COL17A1: variants seen among roughly 807,000 people sequenced by gnomAD.
COL17A1 encodes collagen type XVII alpha 1 chain.
Under a neutral mutation model 218.4 loss-of-function variants are expected in COL17A1, and 181 were observed. The observed-to-expected ratio is 0.83, with a 90% CI of 0.73 to 0.94. The LOEUF is 0.94. Among genes scored for constraint, COL17A1 ranks in the 40% least tolerant of loss-of-function variants. COL17A1 has a pLI of 0.00. For synonymous variants in COL17A1, 721 were observed against 731.0 expected (o/e 0.99, Z 0.22); for missense variants, 1,924 against 1,945.9 (o/e 0.99, Z 0.21).
At chr10:104,066,395 C>T (rs991805007) in intron 9 of COL17A1, among the ~76,000 whole-genome samples, 1 of 152,294 alleles carries the variant, frequency 6.6e-6, no homozygotes. Flanking sequence ...GCTGTTTTAT[C>T]TGGGCCAAAG....
chr10:104,036,241 TGA>T (rs1018766989), intron 48 of COL17A1, among the ~76,000 whole-genome samples: 29 of 150,008 alleles, frequency 1.9e-4, no homozygotes, highest in Middle Eastern at 3.4e-3. Flanking sequence ...GGAGTGTGTG[TGA>T]GAGAGAGAGA....
chr10:104,038,905 C>G (rs1023833165), intron 44 of COL17A1, among the ~76,000 whole-genome samples, 166 bp downstream of exon 44: 1 of 152,148 alleles, frequency 6.6e-6, no homozygotes, highest in African/African-American at 2.4e-5. Flanking sequence ...CCCAATAACT[C>G]GTAACCTCCT....
intron 9 of COL17A1, among the ~76,000 whole-genome samples, chr10:104,067,118 G>A (rs1187755247): frequency 1.3e-5 from 2 of 152,216 alleles, no homozygotes; most frequent in Admixed American, 6.5e-5. Context: ...ATCCTCTCGG[G>A]CAAGGAGTCC....
At chr10:104,056,729 G>C (rs1233447322) in intron 17 of COL17A1, among the ~76,000 whole-genome samples, 1 of 152,178 alleles carries the variant, frequency 6.6e-6, no homozygotes, top group East Asian at 1.9e-4. Flanking sequence ...GTGTAGCAAG[G>C]GTGGGGCTGA....
chr10:104,059,802 T>G, intron 14 of COL17A1, 84 bp from the exon 15 acceptor site: 2 of 1,395,970 alleles, frequency 1.4e-6, no homozygotes, highest in Non-Finnish European at 2.0e-6. Context: ...CCTTGCCCAC[T>G]ACCCTGCTTG....
chr10:104,036,075 G>GGT (rs2086288555), intron 48 of COL17A1, among the ~76,000 whole-genome samples: 3 of 56,796 alleles, frequency 5.3e-5, no homozygotes, highest in Non-Finnish European at 1.1e-4. Flanking sequence ...TATGTGTATG[G>GGT]GAGTGTGTAT....
chr10:104,039,631 C>G lies in COL17A1; in HGVS notation c.2798G>C (p.Gly933Ala). 1 of 1,614,126 alleles carries G rather than the reference C, an allele frequency of 6.2e-7. No homozygotes were observed. The highest frequency in any genetic ancestry group is 8.5e-7 in the Non-Finnish European group (1 of 1,180,018). The change falls in exon 42 of 56, where the codon GGC (glycine) becomes GCC (alanine). Residue 933 changes from glycine (G) to alanine (A), a missense_variant. Gly to Ala is a moderately conservative substitution (Grantham distance 60). Transcript: ENST00000648076. ...ACCTGAGGTTGAGAAACCTGGGAGG[C>G]CTTGCTCGCCTGAGGAACACACCAA... The part of the protein sequence containing the change: ...PGPRGHQGEQ[G>A]LPGFSTSGSS...
intron 9 of COL17A1, among the ~76,000 whole-genome samples, chr10:104,068,118 G>T (rs2086642127): frequency 6.6e-6 from 1 of 152,148 alleles, no homozygotes; most frequent in South Asian, 2.1e-4. Context: ...CCCACATCAG[G>T]TCAGGAATAT....
chr10:104,080,781 T>C (rs1473253358), intron 1 of COL17A1, 97 bp from the exon 2 acceptor site: 1 of 1,284,794 alleles, frequency 7.8e-7, no homozygotes, highest in African/African-American at 1.5e-5. Flanking sequence ...AAACATGATT[T>C]CAAGAATTTA....
In COL17A1 at chr10:104,032,262, C is replaced by T. The variant is rs1564668701; in HGVS notation, c.4467G>A (p.Arg1489=). 6 of 1,613,938 alleles carry T rather than the reference C, an allele frequency of 3.7e-6. No homozygotes were observed. Among genetic ancestry groups the T allele is most frequent in the African/African-American group, 1.3e-5 (1 of 74,918 alleles). The part of the protein sequence containing the change: ...KGDQVYAGRR[R]RRSIAVKP ...ACGGCTTGACAGCAATACTTCTTCTCCTTCTCCGCCCAGCATAGACTTGGT... is the reference window on the plus strand; with the variant it reads ...ACGGCTTGACAGCAATACTTCTTCTTCTTCTCCGCCCAGCATAGACTTGGT... The change falls in exon 56 of 56, where the codon AGG becomes AGA. Residue 1489 remains arginine (R), a synonymous_variant. Transcript: ENST00000648076.
intron 5 of COL17A1, 25 bp downstream of exon 5, chr10:104,076,276 C>G (rs981997175): frequency 1.2e-6 from 2 of 1,613,664 alleles, no homozygotes; most frequent in Non-Finnish European, 1.7e-6. Context: ...GAATGGTTCT[C>G]TTGTATGGTT....
In COL17A1 at chr10:104,053,067, C is replaced by A. The variant is rs750054457; in HGVS notation, c.1903G>T (p.Ala635Ser). Residue 635 changes from alanine to serine, a missense_variant, in exon 23 of 56, where the codon GCA (alanine) becomes TCA (serine). By Grantham distance (99) the Ala-to-Ser change is moderately conservative (BLOSUM62 1). Transcript: ENST00000648076. The part of the protein sequence containing the change: ...REGPMGPRGE[A>S]GPPGSGEKGE... ...TTCTCTCCAGATCCAGGAGGCCCTG[C>A]CTCACCACGAGGTCCCATGGGGCCT... is the stretch of plus-strand genomic sequence containing the variant. The A allele has an allele frequency of 2.5e-6, 4 of 1,614,090 alleles. No homozygotes were observed. The East Asian group carries it at 6.7e-5, about 27-fold the overall frequency.
At chr10:104,049,734 T>C (rs1443215094) in intron 28 of COL17A1, among the ~76,000 whole-genome samples, 1 of 152,240 alleles carries the variant, frequency 6.6e-6, no homozygotes, top group Non-Finnish European at 1.5e-5. Flanking sequence ...GTCAATTTCC[T>C]TTATAATCAT....
chr10:104,074,124 C>G (rs922434376), intron 6 of COL17A1, 60 bp downstream of exon 6: 3 of 1,613,158 alleles, frequency 1.9e-6, no homozygotes, highest in Non-Finnish European at 1.7e-6. Flanking sequence ...TTCATCTCCC[C>G]CAGGGATTTT....
intron 9 of COL17A1, among the ~76,000 whole-genome samples, chr10:104,068,669 A>T (rs2086646167): frequency 6.6e-6 from 1 of 152,216 alleles, no homozygotes; most frequent in African/African-American, 2.4e-5. Flanking sequence ...TACATGGGGA[A>T]CTGATCAAAC....
In COL17A1 at chr10:104,035,906, A is replaced by AC. The variant is rs2086280250; in HGVS notation, c.3419-344_3419-343insG. 4.3e-4 allele frequency among the ~76,000 whole-genome samples: 5 copies of AC among 11,632 alleles called. 1 individual carries two copies. Among genetic ancestry groups the AC allele is most frequent in the Non-Finnish European group, 1.3e-3 (5 of 3,924 alleles). The allele number at this position is 11,632 out of a possible 152,430, so 7.6% of individuals were successfully genotyped here. ...TACTGGAGTGTATGGGAGCGTGTGT[A>AC]TGGGAGTGTGTATGAGTGTGTGTGT... On this transcript the variant is annotated intron_variant, in intron 48 of 55. Transcript: ENST00000648076.
At chr10:104,072,546 T>C (rs1329834334) in intron 7 of COL17A1, among the ~76,000 whole-genome samples, 2 of 152,224 alleles carry the variant, frequency 1.3e-5, no homozygotes, top group African/African-American at 4.8e-5. Context: ...AGGTGGAGAA[T>C]TGGCATCTTT....
intron 32 of COL17A1, 140 bp downstream of exon 32, chr10:104,046,607 C>T (rs867398225): frequency 2.4e-5 from 19 of 791,346 alleles, no homozygotes; most frequent in Non-Finnish European, 4.0e-5. Context: ...GTGCTTCTCA[C>T]GACTCATAGT....
intron 22 of COL17A1, among the ~76,000 whole-genome samples, chr10:104,053,662 C>A (rs1244367066): frequency 2.0e-5 from 3 of 152,048 alleles, no homozygotes; most frequent in Non-Finnish European, 2.9e-5. Flanking sequence ...AGCTCTCATT[C>A]CCAAAATCCC....
Sources: allele counts gnomAD v4.1 joint callset (sites outside exome capture counted in the v4.1 genomes callset), GRCh38; gene constraint gnomAD v4.1.1; transcripts MANE v1.5; gene names NCBI Gene and HGNC (gene_info 2026-07-23, HGNC 2026-07-21).